Variants in IL1R1 observed in about 807,000 individuals in gnomAD.
The protein encoded by IL1R1 is interleukin-1 receptor type 1.
In IL1R1, 22 loss-of-function variants were observed where a neutral mutation model predicts 50.2. The ratio of observed to expected loss-of-function variants is 0.44; its 90% CI spans 0.31 to 0.63. The LOEUF is 0.63. Among genes scored for constraint, IL1R1 ranks in the 20% least tolerant of loss-of-function variants. IL1R1 has a pLI of 0.07. For missense variants in IL1R1, 509 were observed against 676.2 expected, an observed-to-expected ratio of 0.75 and a Z score of 2.74; for synonymous variants, 251 against 236.7, an observed-to-expected ratio of 1.06 and a Z score of -0.55.
At chr2:102,126,132 A>C (rs2104404261) in intron 1 of IL1R1, among the ~76,000 whole-genome samples, 1 of 152,376 alleles carries the variant, frequency 6.6e-6, no homozygotes, top group South Asian at 2.1e-4. Flanking sequence ...TAACCTACTT[A>C]AGCATGATAT....
At chr2:102,143,264 G>C (rs1273832051) in intron 1 of IL1R1, among the ~76,000 whole-genome samples, 1 of 152,192 alleles carries the variant, frequency 6.6e-6, no homozygotes, top group African/African-American at 2.4e-5. Context: ...CTGGAGGGGG[G>C]TTCTAGGTAG....
At chr2:102,166,438 A>G (rs1685189979) in intron 6 of IL1R1, among the ~76,000 whole-genome samples, 157 bp downstream of exon 6, 1 of 152,198 alleles carries the variant, frequency 6.6e-6, no homozygotes, top group Non-Finnish European at 1.5e-5. Context: ...TTTTGTTACT[A>G]AATACTATGT....
intron 1 of IL1R1, among the ~76,000 whole-genome samples, chr2:102,150,935 CTTTCTTG>C (rs1462334757): frequency 6.6e-6 from 1 of 152,216 alleles, no homozygotes; most frequent in African/African-American, 2.4e-5. Flanking sequence ...ATCCTTTTCT[CTTTCTTG>C]TTTTATTTTA....
At chr2:102,165,740 A>G (rs1403209174) in intron 5 of IL1R1, among the ~76,000 whole-genome samples, 1 of 152,208 alleles carries the variant, frequency 6.6e-6, no homozygotes, top group African/African-American at 2.4e-5. Flanking sequence ...TAATCTACCT[A>G]GTCTGATGGA....
intron 3 of IL1R1, among the ~76,000 whole-genome samples, chr2:102,158,345 T>G (rs1421705474): frequency 1.3e-5 from 2 of 152,160 alleles, no homozygotes; most frequent in African/African-American, 2.4e-5. Flanking sequence ...AACAGATAAG[T>G]AGACATATAT....
In IL1R1 at chr2:102,131,678, CAAGTA is replaced by C. The variant is rs537935164; in HGVS notation, c.-83-22259_-83-22255del. Among the ~76,000 whole-genome samples the C allele has an allele frequency of 2.5e-4, 37 of 150,612 alleles. 1 individual carries two copies. The South Asian group carries it at 7.3e-3, about 30-fold the overall frequency. On this transcript the variant is annotated intron_variant, in intron 1 of 10. Coordinates refer to the IL1R1 transcript ENST00000409329. ...AAAACCACAGAGGAGGAAAAACAAA[CAAGTA>C]AAGAACAGAGCATCACGAAACGGTG... is the stretch of plus-strand genomic sequence containing the variant.
intron 1 of IL1R1, among the ~76,000 whole-genome samples, chr2:102,146,289 AC>A (rs1683115415): frequency 6.6e-6 from 1 of 151,356 alleles, no homozygotes; most frequent in African/African-American, 2.4e-5. Context: ...AAAACCCAAC[AC>A]CCCCCTTAAT....
chr2:102,115,120 T>A (rs1680995863), intron 1 of IL1R1, among the ~76,000 whole-genome samples: 1 of 152,206 alleles, frequency 6.6e-6, no homozygotes, highest in Non-Finnish European at 1.5e-5. Flanking sequence ...ACTCCAGAAG[T>A]TCTGATGTGA....
upstream of IL1R1, among the ~76,000 whole-genome samples, chr2:102,138,489 C>T (rs909095710): frequency 6.6e-6 from 1 of 152,154 alleles, no homozygotes; most frequent in Non-Finnish European, 1.5e-5. Context: ...ACTTTCTCAT[C>T]AGCTCTTATT....
chr2:102,104,254 G>A (rs562497580), upstream of IL1R1, among the ~76,000 whole-genome samples: 1 of 152,288 alleles, frequency 6.6e-6, no homozygotes, highest in South Asian at 2.1e-4. Context: ...GCATTGCCTG[G>A]GCTGACTCTA....
intron 3 of IL1R1, among the ~76,000 whole-genome samples, chr2:102,160,076 A>G (rs1684580123): frequency 1.3e-5 from 2 of 152,158 alleles, no homozygotes; most frequent in Admixed American, 6.5e-5. Context: ...TGCAAATTCA[A>G]TTTCTTTGAA....
chr2:102,137,158 G>T (rs902848886), intron 1 of IL1R1, among the ~76,000 whole-genome samples: 2 of 152,172 alleles, frequency 1.3e-5, no homozygotes, highest in Non-Finnish European at 2.9e-5. Context: ...GGGAGGATAG[G>T]TGTTGTTTAA....
chr2:102,099,256 C>T (rs1228376352), intron 1 of IL1R1, among the ~76,000 whole-genome samples: 1 of 152,090 alleles, frequency 6.6e-6, no homozygotes, highest in Non-Finnish European at 1.5e-5. Flanking sequence ...ATTGATTTGT[C>T]ATGAGGGCAA....
At chr2:102,158,025 C>T (rs181888827) in intron 3 of IL1R1, among the ~76,000 whole-genome samples, 3 of 152,348 alleles carry the variant, frequency 2.0e-5, no homozygotes, top group African/African-American at 7.2e-5. Flanking sequence ...GGTCATGTAG[C>T]TAGTTTTGGA....
intron 2 of IL1R1, among the ~76,000 whole-genome samples, chr2:102,154,979 C>T (rs555877491): frequency 1.5e-4 from 23 of 152,204 alleles, no homozygotes; most frequent in Non-Finnish European, 2.9e-4. Context: ...CCAGTAGACA[C>T]CCCCACATCA....
intron 1 of IL1R1, among the ~76,000 whole-genome samples, chr2:102,107,684 G>T (rs1321449802): frequency 6.6e-6 from 1 of 152,154 alleles, no homozygotes; most frequent in African/African-American, 2.4e-5. Context: ...ATAGGCAAAG[G>T]TATATTTTGT....
intron 1 of IL1R1, among the ~76,000 whole-genome samples, chr2:102,095,389 T>C (rs1169445898): frequency 6.6e-6 from 1 of 152,242 alleles, no homozygotes; most frequent in Non-Finnish European, 1.5e-5. Flanking sequence ...CATTATAAAG[T>C]GTTTTCTTTT....
chr2:102,132,877 G>A (rs1274837831), intron 1 of IL1R1, among the ~76,000 whole-genome samples: 1 of 152,150 alleles, frequency 6.6e-6, no homozygotes, highest in Non-Finnish European at 1.5e-5. Context: ...AAGGACCCAA[G>A]CTACCAGCTT....
At chr2:102,105,509 C>A (rs1211461928) in intron 1 of IL1R1, among the ~76,000 whole-genome samples, 1 of 152,080 alleles carries the variant, frequency 6.6e-6, no homozygotes, top group African/African-American at 2.4e-5. Context: ...GGACTATAGG[C>A]GCCTGCCACC....
Sources: gnomAD v4.1 joint callset for allele counts (sites outside exome capture counted in the v4.1 genomes callset) on GRCh38, gnomAD v4.1.1 for gene constraint, MANE v1.5 for transcripts, NCBI Gene and HGNC (gene_info 2026-07-23, HGNC 2026-07-21) for gene names.